CAMK1D: variants seen among roughly 807,000 people sequenced by gnomAD.
The protein encoded by CAMK1D is calcium/calmodulin-dependent protein kinase type 1D.
CAMK1D carries 9 observed loss-of-function variants against 47.7 expected under a neutral mutation model. The ratio of observed to expected loss-of-function variants is 0.19; its 90% CI spans 0.11 to 0.33. The LOEUF is 0.33. Among genes scored for constraint, CAMK1D ranks in the 10% least tolerant of loss-of-function variants. CAMK1D has a pLI of 1.00. For missense variants in CAMK1D, 291 were observed against 488.7 expected, an observed-to-expected ratio of 0.60 and a Z score of 3.81; for synonymous variants, 184 against 184.9, an observed-to-expected ratio of 0.99 and a Z score of 0.04.
At chr10:12,385,739 C>CTTT (rs71384318) in intron 1 of CAMK1D, among the ~76,000 whole-genome samples, 9 of 100,536 alleles carry the variant, frequency 9.0e-5, no homozygotes, top group East Asian at 2.9e-4. Flanking sequence ...TTGAATTGTA[C>CTTT]TTTTTTTTTT....
chr10:12,656,222 A>G (rs986801529), intron 2 of CAMK1D, among the ~76,000 whole-genome samples: 4 of 152,164 alleles, frequency 2.6e-5, no homozygotes, highest in East Asian at 3.9e-4. Context: ...AGTGCTAGCT[A>G]TGCCCCCACA....
chr10:12,603,285 G>A (rs549800246), intron 2 of CAMK1D, among the ~76,000 whole-genome samples: 6 of 152,088 alleles, frequency 3.9e-5, no homozygotes, highest in Admixed American at 1.3e-4. Flanking sequence ...CCTCCTCCCC[G>A]CCCAGACTGG....
At chr10:12,713,077 C>CT (rs974172761) in intron 3 of CAMK1D, among the ~76,000 whole-genome samples, 20 of 148,330 alleles carry the variant, frequency 1.3e-4, no homozygotes, top group East Asian at 3.9e-4. Context: ...GGGTGCCTCC[C>CT]TTTTTTTTTT....
intron 2 of CAMK1D, among the ~76,000 whole-genome samples, chr10:12,562,599 C>T (rs972023351): frequency 2.6e-5 from 4 of 152,184 alleles, no homozygotes; most frequent in African/African-American, 4.8e-5. Flanking sequence ...CACCCCTCAC[C>T]CCATGTTTCA....
chr10:12,819,142 C>A (rs1783606240), intron 8 of CAMK1D, among the ~76,000 whole-genome samples: 1 of 152,114 alleles, frequency 6.6e-6, no homozygotes, highest in Admixed American at 6.5e-5. Context: ...TTGGAAAAAA[C>A]AAAGAAGGGA....
intron 3 of CAMK1D, among the ~76,000 whole-genome samples, chr10:12,756,381 ACT>A (rs1336096553): frequency 2.0e-5 from 3 of 152,056 alleles, no homozygotes; most frequent in Non-Finnish European, 2.9e-5. Context: ...TTGCATACTG[ACT>A]CTATTAGACT....
chr10:12,478,445 A>C (rs1181231009), intron 1 of CAMK1D, among the ~76,000 whole-genome samples: 1 of 151,868 alleles, frequency 6.6e-6, no homozygotes, highest in East Asian at 1.9e-4. Flanking sequence ...GGGACTACAG[A>C]CATGTACCAC....
chr10:12,749,056 AG>A, intron 3 of CAMK1D, among the ~76,000 whole-genome samples: 1 of 152,020 alleles, frequency 6.6e-6, no homozygotes, highest in South Asian at 2.1e-4. Flanking sequence ...GACAATTGCA[AG>A]TGTAAAAGCG....
intron 1 of CAMK1D, among the ~76,000 whole-genome samples, chr10:12,543,194 CCCA>C (rs1274539873): frequency 6.6e-6 from 1 of 151,772 alleles, no homozygotes; most frequent in Non-Finnish European, 1.5e-5. Flanking sequence ...ATTATAGGCA[CCCA>C]CCACCACGCC....
At chr10:12,713,811 T>C (rs577340148) in intron 3 of CAMK1D, among the ~76,000 whole-genome samples, 3 of 152,354 alleles carry the variant, frequency 2.0e-5, no homozygotes, top group East Asian at 3.9e-4. Context: ...GATGCTTTTG[T>C]TGGAACAGAA....
intron 1 of CAMK1D, among the ~76,000 whole-genome samples, chr10:12,366,503 A>AT (rs1195268182): frequency 1.3e-5 from 2 of 151,518 alleles, no homozygotes; most frequent in Non-Finnish European, 2.9e-5. Context: ...AAAAATAAAA[A>AT]AAAAAATTAG....
chr10:12,750,493 G>A (rs1835894571), intron 3 of CAMK1D, among the ~76,000 whole-genome samples: 1 of 152,148 alleles, frequency 6.6e-6, no homozygotes, highest in Non-Finnish European at 1.5e-5. Context: ...CCAGCCAGGT[G>A]GGACAGCCAT....
chr10:12,581,781 G>C (rs1484616022), intron 2 of CAMK1D, among the ~76,000 whole-genome samples: 1 of 152,248 alleles, frequency 6.6e-6, no homozygotes, highest in East Asian at 1.9e-4. Flanking sequence ...GCAGATTCTG[G>C]ATTTTAGTCC....
intron 2 of CAMK1D, 23 bp downstream of exon 2, chr10:12,553,379 C>T (rs759272395): frequency 5.6e-5 from 88 of 1,561,994 alleles, no homozygotes; most frequent in South Asian, 1.2e-4. Context: ...GGGCAACCCT[C>T]CTCCCTTCCC....
At chr10:12,804,595 C>T (rs1324726102) in intron 6 of CAMK1D, among the ~76,000 whole-genome samples, 2 of 50,900 alleles carry the variant, frequency 3.9e-5, no homozygotes, top group Non-Finnish European at 7.2e-5. Flanking sequence ...GAGACTCCGT[C>T]TCAAATAAAT....
chr10:12,443,344 G>A (rs2025831), intron 1 of CAMK1D, among the ~76,000 whole-genome samples: 150,274 of 152,282 alleles, frequency 0.99, 74,183 homozygotes, highest in Middle Eastern at 1. Flanking sequence ...AATCTCTGCG[G>A]TGACACAGGA....
Position 12,597,403 on chromosome 10 carries a change from C to T in CAMK1D, c.224+44047C>T, listed in dbSNP as rs186777637. Among the ~76,000 whole-genome samples, 64 of 152,268 alleles carry T rather than the reference C, an allele frequency of 4.2e-4. 2 individuals carry two copies. The highest frequency in any genetic ancestry group is 4.2e-3 in the Admixed American group (64 of 15,300). ...CTGCCTTGTGGTTCAGTTCTGCCTG[C>T]CCACGGTCATTGGCCTTCTGGGCTG... On this transcript the variant is annotated intron_variant, in intron 2 of 10. Transcript: ENST00000619168.
chr10:12,611,442 C>G (rs1838616579), intron 2 of CAMK1D, among the ~76,000 whole-genome samples: 1 of 152,062 alleles, frequency 6.6e-6, no homozygotes, highest in Non-Finnish European at 1.5e-5. Context: ...TTTTCCAGCT[C>G]CAGGTCTGCT....
intron 2 of CAMK1D, among the ~76,000 whole-genome samples, chr10:12,609,533 A>G (rs992062951): frequency 4.6e-5 from 7 of 152,218 alleles, no homozygotes; most frequent in African/African-American, 1.7e-4. Flanking sequence ...ACAGTGACAG[A>G]TCATCAGGCG....
Sources: allele counts gnomAD v4.1 joint callset (sites outside exome capture counted in the v4.1 genomes callset), GRCh38; gene constraint gnomAD v4.1.1; transcripts MANE v1.5; gene names NCBI Gene and HGNC (gene_info 2026-07-23, HGNC 2026-07-21).